TIMELESS: variants seen among roughly 807,000 people sequenced by gnomAD.
TIMELESS encodes timeless circadian regulator.
TIMELESS carries 124 observed loss-of-function variants against 164.3 expected under a neutral mutation model. The ratio of observed to expected loss-of-function variants is 0.75; its 90% CI spans 0.65 to 0.88. The LOEUF (loss-of-function observed/expected upper bound fraction) is 0.88, where lower values mean the gene tolerates loss of function less well. Among genes scored for constraint, TIMELESS ranks in the 40% least tolerant of loss-of-function variants. The pLI is 0.00. For missense variants in TIMELESS, 1,422 were observed against 1,491.4 expected (o/e 0.95, Z 0.77); for synonymous variants, 564 against 563.4 (o/e 1.00, Z -0.02).
Position 56,431,587 on chromosome 12 carries a change from C to T in TIMELESS, c.705G>A (p.Ala235=), listed in dbSNP as rs535087947. 120 of 1,612,694 alleles carry T rather than the reference C, an allele frequency of 7.4e-5. No homozygotes were observed. Among genetic ancestry groups the T allele is most frequent in the African/African-American group, 4.1e-4 (31 of 74,922 alleles). The change falls in exon 8 of 29, where the codon GCG becomes GCA. Residue 235 remains alanine (A), a synonymous_variant. Coordinates refer to ENST00000553532, the MANE Select transcript of TIMELESS (RefSeq NM_003920.5). ...GAGCTAAGCGTCCCTGCCCTACTCC[C>T]GCCAGCTGCTCGGGGTTCTAGATTG... ...MFRDQNPEQL[A]GVGQGRLAQE... is the part of the protein sequence containing the mutation.
chr12:56,417,988 C>T lies in TIMELESS; in HGVS notation c.3475G>A (p.Glu1159Lys). ...TTCTTGGGTGCTGCCTTCAGCGGCT[C>T]TTTACCAACAGCGTCTTCCTCTGCA... ...SPEEEDAVGK[E>K]PLKAAPKKRQ... Residue 1159 changes from glutamate (E) to lysine (K), a missense_variant, in exon 28 of 29, where the codon GAG becomes AAG. Transcript: ENST00000553532. 6.2e-7 allele frequency: 1 copy of T among 1,614,208 alleles called. No homozygotes were observed. Among genetic ancestry groups the T allele is most frequent in the Non-Finnish European group, 8.5e-7 (1 of 1,180,042 alleles).
chr12:56,437,655 G>A (rs1882116089), intron 1 of TIMELESS, among the ~76,000 whole-genome samples: 1 of 152,008 alleles, frequency 6.6e-6, no homozygotes, highest in Admixed American at 6.6e-5. Flanking sequence ...AGTTAAGCAG[G>A]CCAAAACAAA....
intron 13 of TIMELESS, among the ~76,000 whole-genome samples, chr12:56,427,732 C>A (rs112149630): frequency 6.6e-6 from 1 of 152,004 alleles, no homozygotes; most frequent in African/African-American, 2.4e-5. Context: ...TGCATCAACA[C>A]GCCTGGCTAA....
rs1260635757 is a variant in TIMELESS at position 56,422,179 on chromosome 12, G to T, written c.2451C>A (p.Arg817=). The T allele has an allele frequency of 3.2e-5, 51 of 1,613,882 alleles. No homozygotes were observed. Among genetic ancestry groups the T allele is most frequent in the Non-Finnish European group, 4.2e-5 (49 of 1,180,022 alleles). The change falls in exon 20 of 29, where the codon CGC becomes CGA. Residue 817 remains arginine, a synonymous_variant. Coordinates refer to ENST00000553532, the MANE Select transcript of TIMELESS (RefSeq NM_003920.5). ...YGSLDDRSSS[R]RAPTWSPEEE... ...CTTCGGGGCTCCATGTAGGTGCTCT[G>T]CGACTGGAAGACCTGAATGGTGAAA...
chr12:56,424,950 G>A (rs58324719), intron 14 of TIMELESS, 37 bp from the exon 15 acceptor site: 1 of 1,613,996 alleles, frequency 6.2e-7, no homozygotes, highest in Non-Finnish European at 8.5e-7. Context: ...GGAGGGAGTG[G>A]AAAACCCAGA....
chr12:56,440,777 A>G (rs1868262721), intron 1 of TIMELESS, among the ~76,000 whole-genome samples: 1 of 152,178 alleles, frequency 6.6e-6, no homozygotes, highest in African/African-American at 2.4e-5. Flanking sequence ...TACAGAAAGA[A>G]AGCATTAGCA....
intron 1 of TIMELESS, among the ~76,000 whole-genome samples, chr12:56,447,420 A>G (rs985873168): frequency 1.3e-5 from 2 of 152,240 alleles, no homozygotes; most frequent in Middle Eastern, 3.4e-3. Flanking sequence ...TGCTTTACTA[A>G]ATTGAACTGA....
At chr12:56,437,704 G>A (rs908203431) in intron 1 of TIMELESS, among the ~76,000 whole-genome samples, 8 of 152,142 alleles carry the variant, frequency 5.3e-5, no homozygotes, top group Admixed American at 3.9e-4. Context: ...CCCATGGCCC[G>A]CAGGATCAAG....
chr12:56,421,399 C>A lies in TIMELESS; in HGVS notation c.2820G>T (p.Arg940=). Reference sequence around the variant, plus strand: ...TCTGCCGTTTCTTGTACAGCTCCCGCCGCTCAGCCACCAGCCCCAGAGCCA... The same window carrying A: ...TCTGCCGTTTCTTGTACAGCTCCCGACGCTCAGCCACCAGCCCCAGAGCCA... ...KLLALGLVAE[R]RELYKKRQKK... The change falls in exon 23 of 29, where the codon CGG becomes CGT. Residue 940 remains arginine, a synonymous_variant. Coordinates refer to ENST00000553532, the MANE Select transcript of TIMELESS (RefSeq NM_003920.5). The A allele has an allele frequency of 6.2e-7, 1 of 1,614,126 alleles. No homozygotes were observed. Among genetic ancestry groups the A allele is most frequent in the Non-Finnish European group, 8.5e-7 (1 of 1,180,022 alleles).
rs1377816081 is a variant in TIMELESS at position 56,422,909 on chromosome 12, C to G, written c.2376G>C (p.Leu792Phe). ...GAACCACAGCTGTGTTCTTCCAGAA[C>G]AACAGCTCCACAAAGGCTTTTTGGT... is the stretch of plus-strand genomic sequence containing the variant. ...AVNQKAFVEL[L>F]FWKNTAVVRE... is the part of the protein sequence containing the mutation. Residue 792 changes from leucine to phenylalanine, a missense_variant, in exon 19 of 29, where the codon TTG (leucine) becomes TTC (phenylalanine). Leu to Phe is a conservative substitution (Grantham distance 22, BLOSUM62 0). Transcript: ENST00000553532. The G allele has an allele frequency of 6.3e-7, 1 of 1,584,248 alleles. No homozygotes were observed. Among genetic ancestry groups the G allele is most frequent in the East Asian group, 2.3e-5 (1 of 43,106 alleles).
At position 56,434,029 on chromosome 12, in the gene TIMELESS, TA is replaced by T. The variant is rs757650099; in HGVS notation, c.97+44del. The T allele has an allele frequency of 2.5e-6, 4 of 1,612,182 alleles. No homozygotes were observed. In the African/African-American group the frequency reaches 5.3e-5, roughly 22 times the overall value. ...GTTTGAGGAATTCAACAGACCTCCT[TA>T]ATTCAAGCCAATTTTTTTCCTGTTT... On this transcript the variant is annotated intron_variant, in intron 2 of 28. Coordinates refer to ENST00000553532, the MANE Select transcript of TIMELESS (RefSeq NM_003920.5).
chr12:56,423,481 C>G lies in TIMELESS; in HGVS notation c.2091-6G>C. On this transcript the variant is annotated splice_region_variant and splice_polypyrimidine_tract_variant and intron_variant, in intron 17 of 28. Transcript: ENST00000553532. ...CGACAGTTGAACATGCAAAGCTGCA[C>G]CAAAACAAGGAGGGAGAGGATGTCA... 1.2e-6 allele frequency: 2 copies of G among 1,613,974 alleles called. No homozygotes were observed. The highest frequency in any genetic ancestry group is 1.3e-5 in the African/African-American group (1 of 75,008).
At position 56,424,795 on chromosome 12, in the gene TIMELESS, G is replaced by A. The variant is rs1881619080; in HGVS notation, c.1835C>T (p.Ala612Val). 6.2e-7 allele frequency: 1 copy of A among 1,614,070 alleles called. No homozygotes were observed. The part of the protein sequence containing the change: ...RIQDCLLAGQ[A>V]PQALTLLRSA... ...CCTCAGGAGAGTCAGGGCCTGTGGG[G>A]CCTGGCCAGCCAGGAGACAGTCTTG... The change falls in exon 15 of 29, where the codon GCC becomes GTC. Residue 612 changes from alanine to valine, a missense_variant. Coordinates refer to ENST00000553532, the MANE Select transcript of TIMELESS (RefSeq NM_003920.5).
At chr12:56,442,628 A>G (rs911382100) in intron 1 of TIMELESS, among the ~76,000 whole-genome samples, 1 of 152,156 alleles carries the variant, frequency 6.6e-6, no homozygotes, top group Non-Finnish European at 1.5e-5. Flanking sequence ...GACCATACAT[A>G]ACCTCAGATC....
At chr12:56,430,408 C>T (rs774031) in intron 9 of TIMELESS, 127 bp from the exon 10 acceptor site, 488,952 of 1,093,104 alleles carry the variant, frequency 0.45, 114,016 homozygotes, top group East Asian at 0.67. Context: ...CTCTGTCACC[C>T]AGGCTGGAGT....
At position 56,428,655 on chromosome 12, in the gene TIMELESS, G is replaced by GA; in HGVS notation, c.1305-4dup. On this transcript the variant is annotated splice_region_variant and splice_polypyrimidine_tract_variant and intron_variant, in intron 11 of 28. Coordinates refer to ENST00000553532, the MANE Select transcript of TIMELESS (RefSeq NM_003920.5). ...AGGCCTTCAGAGCCAAGTGCATCCT[G>GA]AGAGTTGACGGGAAACGGTGAAATG... 1.2e-6 allele frequency: 2 copies of GA among 1,612,874 alleles called. No homozygotes were observed. The highest frequency in any genetic ancestry group is 1.7e-6 in the Non-Finnish European group (2 of 1,178,946).
At chr12:56,426,270 G>C (rs1881674946) in intron 13 of TIMELESS, among the ~76,000 whole-genome samples, 3 of 151,982 alleles carry the variant, frequency 2.0e-5, no homozygotes, top group Admixed American at 2.0e-4. Context: ...AGAGCTCTGA[G>C]TGCAAAAATA....
intron 25 of TIMELESS, 60 bp from the exon 26 acceptor site, chr12:56,420,747 C>T (rs1881445594): frequency 6.2e-7 from 1 of 1,612,896 alleles, no homozygotes; most frequent in African/African-American, 1.3e-5. Flanking sequence ...TTCTCCATCC[C>T]ATGACCAGGT....
chr12:56,420,044 A>ATGTG (rs1442418176), intron 26 of TIMELESS, among the ~76,000 whole-genome samples: 15 of 82,322 alleles, frequency 1.8e-4, no homozygotes, highest in African/African-American at 5.9e-4. Context: ...ATATATATAT[A>ATGTG]TATATGTGTG....
Sources: gnomAD v4.1 joint callset for allele counts (sites outside exome capture counted in the v4.1 genomes callset) on GRCh38, gnomAD v4.1.1 for gene constraint, MANE v1.5 for transcripts, NCBI Gene and HGNC (gene_info 2026-07-23, HGNC 2026-07-21) for gene names.